SRSF3: variants seen among roughly 807,000 people sequenced by gnomAD.
SRSF3 encodes the protein serine and arginine rich splicing factor 3.
For synonymous variants in SRSF3, 87 were observed against 73.6 expected, an observed-to-expected ratio of 1.18 and a Z score of -0.93; for missense variants, 58 against 217.1, an observed-to-expected ratio of 0.27 and a Z score of 4.61.
intron 1 of SRSF3, among the ~76,000 whole-genome samples, chr6:36,595,874 C>T (rs1488261204): frequency 6.6e-6 from 1 of 152,164 alleles, no homozygotes; most frequent in East Asian, 1.9e-4. Flanking sequence ...TTGATACTAG[C>T]CTTGTTCCTA....
intron 1 of SRSF3, among the ~76,000 whole-genome samples, chr6:36,595,217 A>G (rs73408319): frequency 0.026 from 4,026 of 152,264 alleles, 62 homozygotes; most frequent in African/African-American, 0.039. Context: ...ATGTAATTGA[A>G]ACTGGTCTAC....
In SRSF3 at chr6:36,598,976, C is replaced by T; in HGVS notation, c.334C>T (p.Arg112Cys). 1.9e-6 allele frequency: 3 copies of T among 1,614,040 alleles called. No homozygotes were observed. The highest frequency in any genetic ancestry group is 1.7e-4 in the Middle Eastern group (1 of 6,060). ...TTATCGTAGGAGGAGTCCTCCACCT[C>T]GTCGCAGGTACTTGAGAGAAAGCTT... The part of the protein sequence containing the change: ...DDYRRRSPPP[R>C]RRSPRRRSFS... Residue 112 changes from arginine (R) to cysteine (C), a missense_variant, in exon 3 of 6, where the codon CGT becomes TGT. Arg to Cys is a radical substitution (Grantham distance 180, BLOSUM62 -3). Transcript: ENST00000373715.
chr6:36,600,047 G>A (rs1347230871), intron 3 of SRSF3: 2 of 1,236,370 alleles, frequency 1.6e-6, no homozygotes, highest in Non-Finnish European at 2.1e-6. Context: ...CACCTCGACC[G>A]CCCACACATT....
chr6:36,603,226 A>G lies in SRSF3; in HGVS notation c.*1237A>G, dbSNP rs148311000. ...TATCTTTAGCATGAAAACTTTCCAC[A>G]GGTCTAAAAATTGCTTCCATTTTAT... On this transcript the variant is annotated 3_prime_UTR_variant, in exon 6 of 6. Coordinates refer to ENST00000373715, the MANE Select transcript of SRSF3 (RefSeq NM_003017.5). The G allele has an allele frequency of 8.9e-5, 20 of 224,540 alleles. No individual in the cohort carries two copies. The highest frequency in any genetic ancestry group is 4.2e-4 in the African/African-American group (19 of 45,002). 13.9% of individuals were successfully genotyped at this position (224,540 alleles called of 1,614,324 possible).
intron 3 of SRSF3, chr6:36,599,580 C>T (rs532091976): frequency 9.7e-5 from 32 of 331,000 alleles, no homozygotes; most frequent in South Asian, 7.4e-4. Context: ...CTCCACATCT[C>T]CTCAGACCTC....
Position 36,604,363 on chromosome 6 carries a change from G to GGGAGGC in SRSF3, c.*2375_*2380dup, listed in dbSNP as rs1391985834. 1 of 207,966 alleles carries GGGAGGC rather than the reference G, an allele frequency of 4.8e-6. No homozygotes were observed. The highest frequency in any genetic ancestry group is 9.8e-6 in the Non-Finnish European group (1 of 102,080). The allele number at this position is 207,966 out of a possible 1,614,324, so 12.9% of individuals were successfully genotyped here. A position where few individuals can be genotyped will look rare whatever the true frequency, so the allele number is the denominator to read the frequency against. ...TCACACTTGTAATTCCTAGCACTTT[G>GGGAGGC]GGAGGCTAGGGCGGGTGGGAGGATC... On this transcript the variant is annotated 3_prime_UTR_variant, in exon 6 of 6. Coordinates refer to ENST00000373715, the MANE Select transcript of SRSF3 (RefSeq NM_003017.5).
intron 2 of SRSF3, among the ~76,000 whole-genome samples, chr6:36,597,755 C>T (rs528583249): frequency 2.5e-4 from 38 of 150,220 alleles, no homozygotes; most frequent in Middle Eastern, 3.5e-3. Context: ...AATATGATAG[C>T]TTATCTAAAT....
chr6:36,602,551 T>A lies in SRSF3; in HGVS notation c.*562T>A. 4.6e-6 allele frequency: 1 copy of A among 218,466 alleles called. No individual in the cohort carries two copies. Among genetic ancestry groups the A allele is most frequent in the East Asian group, 6.8e-5 (1 of 14,760 alleles). 13.5% of individuals were successfully genotyped at this position (218,466 alleles called of 1,614,324 possible). A position where few individuals can be genotyped will look rare whatever the true frequency, so the allele number is the denominator to read the frequency against. ...TAGAATGTTAAGTTTCAAGAAAGTT[T>A]ACCTTTGCTTTAGGTCATAAGTTCC... On this transcript the variant is annotated 3_prime_UTR_variant, in exon 6 of 6. Transcript: ENST00000373715.
chr6:36,601,408 G>A (rs540749707), intron 4 of SRSF3: 26 of 599,776 alleles, frequency 4.3e-5, no homozygotes, highest in African/African-American at 4.3e-4. Flanking sequence ...GTGCAGTGGT[G>A]TGATTATAGC....
intron 2 of SRSF3, chr6:36,598,603 C>T (rs1002149699): frequency 3.5e-5 from 14 of 404,778 alleles, no homozygotes; most frequent in Admixed American, 2.5e-4. Flanking sequence ...AAGATAGTGT[C>T]GAACTCTTGA....
At chr6:36,596,215 G>T (rs1463133056) in intron 1 of SRSF3, among the ~76,000 whole-genome samples, 2 of 152,064 alleles carry the variant, frequency 1.3e-5, no homozygotes, top group African/African-American at 2.4e-5. Context: ...GAGCCGCCGC[G>T]CCCGGTCCAT....
chr6:36,600,044 A>AC (rs1778689998), intron 3 of SRSF3: 1 of 1,235,722 alleles, frequency 8.1e-7, no homozygotes, highest in Non-Finnish European at 1.0e-6. Flanking sequence ...AGCCACCTCG[A>AC]CCGCCCACAC....
intron 2 of SRSF3, 99 bp downstream of exon 2, chr6:36,597,067 G>A (rs1008715221): frequency 6.9e-5 from 64 of 927,956 alleles, no homozygotes; most frequent in Admixed American, 2.7e-4. Context: ...CCAATCACTG[G>A]CCAATTGTAT....
chr6:36,597,216 C>G (rs1175414451), intron 2 of SRSF3: 5 of 522,922 alleles, frequency 9.6e-6, no homozygotes, highest in Admixed American at 3.6e-5. Context: ...AGTGATTCTC[C>G]TGCCTCAGCC....
intron 2 of SRSF3, 50 bp from the exon 3 acceptor site, chr6:36,598,799 G>A (rs1382205735): frequency 3.8e-6 from 6 of 1,598,896 alleles, no homozygotes; most frequent in South Asian, 3.3e-5. Context: ...GCTTTAATAC[G>A]CATGTCAGAA....
In SRSF3 at chr6:36,601,208, T is replaced by C. The variant is rs771644719; in HGVS notation, c.380+18T>C. ...CGGAGCAGGTAAATGACTACCTTTT[T>C]TGGCTACGTTCTTAGAAATGGCAGT... On this transcript the variant is annotated intron_variant, in intron 4 of 5. Coordinates refer to ENST00000373715, the MANE Select transcript of SRSF3 (RefSeq NM_003017.5). 2 of 1,613,460 alleles carry C rather than the reference T, an allele frequency of 1.2e-6. No individual in the cohort carries two copies. Among genetic ancestry groups the C allele is most frequent in the Admixed American group, 3.3e-5 (2 of 59,942 alleles).
At chr6:36,597,803 CTTT>C (rs377627108) in intron 2 of SRSF3, among the ~76,000 whole-genome samples, 6,856 of 131,206 alleles carry the variant, frequency 0.052, 232 homozygotes, top group Middle Eastern at 0.17. Context: ...GAATAATGGT[CTTT>C]TTTTTTTTTT....
Position 36,602,451 on chromosome 6 carries a change from G to A in SRSF3, c.*462G>A, listed in dbSNP as rs1778733087. On this transcript the variant is annotated 3_prime_UTR_variant, in exon 6 of 6. Coordinates refer to ENST00000373715, the MANE Select transcript of SRSF3 (RefSeq NM_003017.5). ...TGAAACACAGGCCATCAGGGAAAACGAAATGCTGCACTATTAAATTAGAGG... is the reference window on the plus strand; with the variant it reads ...TGAAACACAGGCCATCAGGGAAAACAAAATGCTGCACTATTAAATTAGAGG... 2 of 228,272 alleles carry A rather than the reference G, an allele frequency of 8.8e-6. No homozygotes were observed. Among genetic ancestry groups the A allele is most frequent in the Non-Finnish European group, 1.7e-5 (2 of 115,326 alleles). 14.1% of individuals were successfully genotyped at this position (228,272 alleles called of 1,614,324 possible).
intron 3 of SRSF3, 69 bp from the exon 4 acceptor site, chr6:36,601,083 A>T: frequency 1.4e-6 from 2 of 1,420,616 alleles, no homozygotes. Flanking sequence ...GAGATTGAAA[A>T]GTTGGGAAAT....
Sources: gnomAD v4.1 joint callset for allele counts (sites outside exome capture counted in the v4.1 genomes callset) on GRCh38, gnomAD v4.1.1 for gene constraint, MANE v1.5 for transcripts, NCBI Gene and HGNC (gene_info 2026-07-23, HGNC 2026-07-21) for gene names.